Variants in MEGF11 observed in about 807,000 individuals in gnomAD.
MEGF11 encodes multiple EGF like domains 11.
In MEGF11, 126 loss-of-function variants were observed where a neutral mutation model predicts 146.6. That is an observed-to-expected ratio of 0.86 (90% CI 0.74 to 1.00). The LOEUF (loss-of-function observed/expected upper bound fraction) is 1.00, where lower values mean the gene tolerates loss of function less well. MEGF11 is among the 50% of genes least tolerant of loss of function. The pLI, the probability that MEGF11 is intolerant of heterozygous loss-of-function variation, is 0.00. For missense variants in MEGF11, 1,509 were observed against 1,521.2 expected (o/e 0.99, Z 0.13); for synonymous variants, 532 against 583.4 (o/e 0.91, Z 1.27).
intron 1 of MEGF11, among the ~76,000 whole-genome samples, chr15:66,194,331 G>A (rs182213573): frequency 5.9e-5 from 9 of 152,260 alleles, no homozygotes; most frequent in East Asian, 1.9e-4. Context: ...AGAATGAGCC[G>A]GGCATGGTGG....
chr15:66,107,714 C>T (rs2087162221), intron 4 of MEGF11, among the ~76,000 whole-genome samples: 1 of 152,134 alleles, frequency 6.6e-6, no homozygotes, highest in African/African-American at 2.4e-5. Flanking sequence ...CTGAAGCAGG[C>T]CACCCTCCAC....
chr15:66,251,855 G>A (rs937796626), intron 1 of MEGF11, among the ~76,000 whole-genome samples: 20 of 152,296 alleles, frequency 1.3e-4, no homozygotes, highest in African/African-American at 4.8e-4. Context: ...AATTTCTAGC[G>A]GCTTAAACAA....
At chr15:66,097,703 C>G (rs949402710) in intron 4 of MEGF11, among the ~76,000 whole-genome samples, 5 of 150,122 alleles carry the variant, frequency 3.3e-5, no homozygotes, top group African/African-American at 1.2e-4. Context: ...TGCTTCTGAC[C>G]TCCCAGTGTG....
At chr15:65,935,365 C>T (rs1010449214) in intron 10 of MEGF11, among the ~76,000 whole-genome samples, 2 of 66,954 alleles carry the variant, frequency 3.0e-5, no homozygotes, top group African/African-American at 1.1e-4. Flanking sequence ...AAAAAAAAGG[C>T]AAAACAGCCT....
intron 1 of MEGF11, among the ~76,000 whole-genome samples, chr15:66,192,220 C>T (rs1225270036): frequency 6.6e-6 from 1 of 152,088 alleles, no homozygotes; most frequent in Non-Finnish European, 1.5e-5. Context: ...GTAATCTCAG[C>T]ACTTTGAGAG....
chr15:65,964,101 G>T (rs1163489250), intron 9 of MEGF11, among the ~76,000 whole-genome samples: 1 of 152,202 alleles, frequency 6.6e-6, no homozygotes, highest in Non-Finnish European at 1.5e-5. Context: ...GGGCTGTGGG[G>T]GCGTTCATCC....
At chr15:65,990,591 GAAAGAAAAGA>G (rs1258894078) in intron 5 of MEGF11, among the ~76,000 whole-genome samples, 3 of 92,148 alleles carry the variant, frequency 3.3e-5, no homozygotes, top group Non-Finnish European at 4.7e-5. Flanking sequence ...AGGAAAGAAA[GAAAGAAAAGA>G]AAAGAAAAGA....
chr15:65,990,624 GAAAA>G (rs1044593180), intron 5 of MEGF11, among the ~76,000 whole-genome samples: 1 of 102,674 alleles, frequency 9.7e-6, no homozygotes, highest in African/African-American at 3.6e-5. Flanking sequence ...AAAAAGAAAA[GAAAA>G]AAAGAGAAAG....
intron 5 of MEGF11, among the ~76,000 whole-genome samples, chr15:66,018,986 GACC>G (rs982784218): frequency 3.3e-5 from 5 of 152,344 alleles, no homozygotes; most frequent in Non-Finnish European, 7.3e-5. Context: ...CCCAGATGGG[GACC>G]TCTTAGATGG....
intron 2 of MEGF11, among the ~76,000 whole-genome samples, chr15:66,125,101 GAAAGGTC>G (rs1439728940): frequency 3.3e-5 from 5 of 152,208 alleles, no homozygotes; most frequent in Non-Finnish European, 7.3e-5. Flanking sequence ...TCTGATGCCT[GAAAGGTC>G]AAAGGTCTGG....
At chr15:65,934,753 T>C (rs1451403492) in intron 10 of MEGF11, among the ~76,000 whole-genome samples, 2 of 152,104 alleles carry the variant, frequency 1.3e-5, no homozygotes, top group East Asian at 3.8e-4. Context: ...TAACGAAGTC[T>C]CCATAAAAAC....
At chr15:66,184,874 T>G (rs762263777) in intron 1 of MEGF11, among the ~76,000 whole-genome samples, 1 of 151,994 alleles carries the variant, frequency 6.6e-6, no homozygotes, top group Non-Finnish European at 1.5e-5. Flanking sequence ...CCCCGCCTGC[T>G]TCCCAGTTCA....
intron 4 of MEGF11, among the ~76,000 whole-genome samples, chr15:66,111,176 A>T (rs752459564): frequency 1.3e-5 from 2 of 152,224 alleles, no homozygotes; most frequent in Non-Finnish European, 2.9e-5. Flanking sequence ...TCTCCAGTCT[A>T]CTGAGCAGAT....
intron 1 of MEGF11, among the ~76,000 whole-genome samples, chr15:66,143,278 A>C (rs2141012029): frequency 6.6e-6 from 1 of 152,108 alleles, no homozygotes; most frequent in African/African-American, 2.4e-5. Flanking sequence ...CACTCATCCC[A>C]CTCCACCATG....
Position 66,192,531 on chromosome 15 carries a change from A to C in MEGF11, c.-9+61074T>G, listed in dbSNP as rs552745006. ...AAAATAAAATAAAATAAAATAAAAT[A>C]AAATCATCATAATGAGCCTAGGATA... On this transcript the variant is annotated intron_variant, in intron 1 of 25. Transcript: ENST00000395614. Among the ~76,000 whole-genome samples the C allele has an allele frequency of 6.7e-4, 96 of 144,226 alleles. 1 individual carries two copies. Among genetic ancestry groups the C allele is most frequent in the African/African-American group, 2.0e-3 (79 of 39,340 alleles). 94.6% of individuals were successfully genotyped at this position (144,226 alleles called of 152,430 possible).
At chr15:66,109,521 A>C (rs1375057669) in intron 4 of MEGF11, among the ~76,000 whole-genome samples, 2 of 152,194 alleles carry the variant, frequency 1.3e-5, no homozygotes, top group Non-Finnish European at 2.9e-5. Context: ...GAATCTTCAC[A>C]ACAGCCCGAA....
intron 5 of MEGF11, among the ~76,000 whole-genome samples, chr15:66,060,150 T>A (rs961282704): frequency 2.0e-5 from 3 of 149,292 alleles, no homozygotes; most frequent in Non-Finnish European, 4.4e-5. Context: ...CCGGAGATAC[T>A]GTGAAAGGGG....
chr15:66,049,341 TA>T (rs1489488259), intron 5 of MEGF11, among the ~76,000 whole-genome samples: 1 of 152,024 alleles, frequency 6.6e-6, no homozygotes, highest in East Asian at 1.9e-4. Flanking sequence ...AGGGTTGGGG[TA>T]GGGGGAGAGG....
At chr15:66,167,729 GAGGTTACAT>G (rs754372450) in intron 1 of MEGF11, among the ~76,000 whole-genome samples, 3 of 152,222 alleles carry the variant, frequency 2.0e-5, no homozygotes, top group Non-Finnish European at 4.4e-5. Context: ...AAATCTGTCT[GAGGTTACAT>G]AGCTAGGAAC....
Sources: gnomAD v4.1 joint callset for allele counts (sites outside exome capture counted in the v4.1 genomes callset) on GRCh38, gnomAD v4.1.1 for gene constraint, MANE v1.5 for transcripts, NCBI Gene and HGNC (gene_info 2026-07-23, HGNC 2026-07-21) for gene names.